Variants in NXPH1 observed in about 807,000 individuals in gnomAD.
NXPH1 encodes neurexophilin-1.
A neutral mutation model predicts 23.7 loss-of-function variants in NXPH1; 5 were observed. The observed-to-expected ratio is 0.21, with a 90% CI of 0.11 to 0.44. The LOEUF (loss-of-function observed/expected upper bound fraction) is 0.44, where lower values mean the gene tolerates loss of function less well. NXPH1 is among the 20% of genes least tolerant of loss of function. The pLI, the probability that NXPH1 is intolerant of heterozygous loss-of-function variation, is 0.99. For synonymous variants in NXPH1, 144 were observed against 122.2 expected (o/e 1.18, Z -1.18); for missense variants, 324 against 321.6 (o/e 1.01, Z -0.06).
intron 2 of NXPH1, among the ~76,000 whole-genome samples, chr7:8,722,114 G>A (rs1164645188): frequency 1.3e-5 from 2 of 151,904 alleles, no homozygotes; most frequent in Non-Finnish European, 2.9e-5. Flanking sequence ...TATATGGAAT[G>A]AGTTGACTTA....
chr7:8,550,597 A>G (rs1196812406), intron 2 of NXPH1, among the ~76,000 whole-genome samples: 1 of 151,608 alleles, frequency 6.6e-6, no homozygotes, highest in African/African-American at 2.4e-5. Context: ...ACTCTTGAAT[A>G]GACATATTAT....
chr7:8,611,533 T>G (rs1420521581), intron 2 of NXPH1, among the ~76,000 whole-genome samples: 1 of 152,074 alleles, frequency 6.6e-6, no homozygotes, highest in Non-Finnish European at 1.5e-5. Context: ...GAAGTCAAAG[T>G]GGAGGGTTTT....
chr7:8,609,518 T>C (rs1819571929), intron 2 of NXPH1, among the ~76,000 whole-genome samples: 1 of 152,172 alleles, frequency 6.6e-6, no homozygotes, highest in Non-Finnish European at 1.5e-5. Flanking sequence ...AGATTATGAC[T>C]GTGACGTACT....
chr7:8,512,771 C>G (rs577838599), intron 2 of NXPH1, among the ~76,000 whole-genome samples: 56 of 152,250 alleles, frequency 3.7e-4, no homozygotes, highest in African/African-American at 1.3e-3. Flanking sequence ...CTCCCAACTG[C>G]AAAATTCTAT....
intron 2 of NXPH1, among the ~76,000 whole-genome samples, chr7:8,698,043 G>T (rs1024743583): frequency 6.6e-6 from 1 of 152,114 alleles, no homozygotes; most frequent in Non-Finnish European, 1.5e-5. Flanking sequence ...TGATCACTTT[G>T]GTTGTTATAT....
chr7:8,611,290 A>G (rs987140306), intron 2 of NXPH1, among the ~76,000 whole-genome samples: 11 of 152,128 alleles, frequency 7.2e-5, no homozygotes, highest in African/African-American at 1.7e-4. Context: ...GTTTCTCTCA[A>G]TCGGCTGGCC....
At chr7:8,509,305 T>C (rs544292146) in intron 2 of NXPH1, among the ~76,000 whole-genome samples, 22 of 152,246 alleles carry the variant, frequency 1.4e-4, no homozygotes, top group African/African-American at 5.3e-4. Flanking sequence ...TTTTGTACAA[T>C]TTAAGTAGCT....
rs1378631255 is a variant in NXPH1, at chr7:8,751,302, A to G, written c.349A>G (p.Lys117Glu). 1 of 1,613,934 alleles carries G rather than the reference A, an allele frequency of 6.2e-7. No homozygotes were observed. The highest frequency in any genetic ancestry group is 8.5e-7 in the Non-Finnish European group (1 of 1,179,862). The change falls in exon 3 of 3, where the codon AAA (lysine) becomes GAA (glutamate). Residue 117 changes from lysine to glutamate, a missense_variant. By Grantham distance (56) the Lys-to-Glu change is moderately conservative (BLOSUM62 1). Transcript: ENST00000405863. This position sits in a 1 kb window ranked among gnomAD's most constrained non-coding sequence, Gnocchi z 4.5. ...CATTGTTAAAACGGGCAAGTTTAAG[A>G]AAATGTTTGGATGGGGCGATTTTCA... ...RPIVKTGKFK[K>E]MFGWGDFHSN...
At chr7:8,682,636 A>T (rs903508580) in intron 2 of NXPH1, among the ~76,000 whole-genome samples, 1 of 152,188 alleles carries the variant, frequency 6.6e-6, no homozygotes, top group Non-Finnish European at 1.5e-5. Flanking sequence ...ATAAAATTGA[A>T]ATATAATCTC....
intron 2 of NXPH1, among the ~76,000 whole-genome samples, chr7:8,744,488 C>T (rs558610849): frequency 6.6e-6 from 1 of 152,142 alleles, no homozygotes; most frequent in African/African-American, 2.4e-5. Flanking sequence ...CCTCTTCTGC[C>T]TGTCCTCAAA....
At chr7:8,730,474 G>A (rs532280081) in intron 2 of NXPH1, among the ~76,000 whole-genome samples, 1 of 152,100 alleles carries the variant, frequency 6.6e-6, no homozygotes, top group East Asian at 1.9e-4. Context: ...TGCAGCAGCT[G>A]GTACCGGTTG....
chr7:8,466,494 G>A (rs887551314), intron 2 of NXPH1, among the ~76,000 whole-genome samples: 1 of 152,140 alleles, frequency 6.6e-6, no homozygotes, highest in East Asian at 1.9e-4. Context: ...ATTTTTGACT[G>A]CAAGAATAAA....
At chr7:8,508,977 A>G (rs1056736146) in intron 2 of NXPH1, among the ~76,000 whole-genome samples, 2 of 152,084 alleles carry the variant, frequency 1.3e-5, no homozygotes, top group African/African-American at 4.8e-5. Context: ...GCATAATCCA[A>G]ACAAGCGATA....
At chr7:8,741,804 T>A (rs2115227954) in intron 2 of NXPH1, among the ~76,000 whole-genome samples, 1 of 152,226 alleles carries the variant, frequency 6.6e-6, no homozygotes, top group Middle Eastern at 3.4e-3. Context: ...CAAATAACAT[T>A]CACTATTAAA....
intron 2 of NXPH1, among the ~76,000 whole-genome samples, chr7:8,691,974 A>G (rs1821228367): frequency 6.6e-6 from 1 of 152,108 alleles, no homozygotes; most frequent in Non-Finnish European, 1.5e-5. Flanking sequence ...AAGGGGCACT[A>G]GTCAAGCAAT....
chr7:8,531,763 T>C (rs1817952773), intron 2 of NXPH1, among the ~76,000 whole-genome samples: 1 of 152,200 alleles, frequency 6.6e-6, no homozygotes, highest in Non-Finnish European at 1.5e-5. Flanking sequence ...GATGCCTCCA[T>C]TGTGACAATG....
At chr7:8,525,742 C>T (rs556350231) in intron 2 of NXPH1, among the ~76,000 whole-genome samples, 19 of 152,318 alleles carry the variant, frequency 1.2e-4, no homozygotes, top group Middle Eastern at 3.4e-3. Flanking sequence ...GCAGCTTCCA[C>T]GTGGTGTTGA....
intron 2 of NXPH1, among the ~76,000 whole-genome samples, chr7:8,610,912 C>A (rs1250413960): frequency 3.3e-5 from 5 of 151,956 alleles, no homozygotes; most frequent in African/African-American, 1.2e-4. Flanking sequence ...GGGCATGGAA[C>A]AAGTGTGCTG....
At chr7:8,482,430 T>C (rs1387791516) in intron 2 of NXPH1, among the ~76,000 whole-genome samples, 4 of 152,184 alleles carry the variant, frequency 2.6e-5, no homozygotes, top group African/African-American at 7.2e-5. Context: ...ACTTATTGTT[T>C]ATATGGCACT....
Sources: gnomAD v4.1 joint callset for allele counts (sites outside exome capture counted in the v4.1 genomes callset) on GRCh38, gnomAD v4.1.1 for gene constraint, Gnocchi (gnomAD v3.1) non-coding constraint, MANE v1.5 for transcripts, NCBI Gene and HGNC (gene_info 2026-07-23, HGNC 2026-07-21) for gene names.